PEX5L: variants seen among roughly 807,000 people sequenced by gnomAD.
PEX5L encodes PEX5-related protein.
In PEX5L, 30 loss-of-function variants were observed where a neutral mutation model predicts 84.0. The observed-to-expected ratio is 0.36, with a 90% confidence interval of 0.27 to 0.48. The LOEUF (loss-of-function observed/expected upper bound fraction) is 0.48. Among genes scored for constraint, PEX5L ranks in the 20% least tolerant of loss-of-function variants. The probability of loss-of-function intolerance (pLI) is 0.99; values close to 1 mark genes in which losing one functional copy is unlikely to be tolerated. For synonymous variants in PEX5L, 270 were observed against 283.1 expected, an observed-to-expected ratio of 0.95 and a Z score of 0.46; for missense variants, 533 against 754.6, an observed-to-expected ratio of 0.71 and a Z score of 3.44.
chr3:179,796,355 C>CTT lies in PEX5L; in HGVS notation c.*5471_*5472dup, dbSNP rs1226583396. On this transcript the variant is annotated 3_prime_UTR_variant, in exon 15 of 15. Coordinates refer to ENST00000467460, the MANE Select transcript of PEX5L (RefSeq NM_016559.3). ...CTGCAGCATTGCAAGTTAGTTTTCT[C>CTT]TTATAGAGAAGGTCCTGAGAAAACA... 3 of 152,166 alleles carry CTT rather than the reference C, an allele frequency of 2.0e-5. No individual in the cohort carries two copies. The highest frequency in any genetic ancestry group is 7.2e-5 in the African/African-American group (3 of 41,442). The allele number at this position is 152,166 out of a possible 1,614,324, so 9.4% of individuals were successfully genotyped here.
intron 10 of PEX5L, among the ~76,000 whole-genome samples, chr3:179,813,585 G>T (rs1464247799): frequency 6.6e-6 from 1 of 151,820 alleles, no homozygotes; most frequent in Non-Finnish European, 1.5e-5. Flanking sequence ...TGCAACCTCC[G>T]CCTCCTGGTT....
At chr3:179,960,133 T>A (rs1055326056) in intron 2 of PEX5L, among the ~76,000 whole-genome samples, 1 of 152,216 alleles carries the variant, frequency 6.6e-6, no homozygotes, top group South Asian at 2.1e-4. Context: ...CTTTCCCTCT[T>A]TGTTCTCTTA....
chr3:179,993,095 A>G (rs1398366291), intron 1 of PEX5L, among the ~76,000 whole-genome samples: 2 of 152,174 alleles, frequency 1.3e-5, no homozygotes, highest in East Asian at 3.9e-4. Context: ...AAGAAAAAGA[A>G]GGAAAGAAAG....
chr3:179,969,383 G>C (rs1048532883), intron 2 of PEX5L, among the ~76,000 whole-genome samples: 2 of 151,848 alleles, frequency 1.3e-5, no homozygotes, highest in Non-Finnish European at 2.9e-5. Flanking sequence ...ACATATATAT[G>C]TATAATGTCA....
chr3:180,014,818 A>T (rs1356393147), intron 1 of PEX5L, among the ~76,000 whole-genome samples: 2 of 110,090 alleles, frequency 1.8e-5, no homozygotes, highest in Admixed American at 7.7e-5. Flanking sequence ...CGAACCCCGA[A>T]ATCTGAATTG....
intron 8 of PEX5L, among the ~76,000 whole-genome samples, chr3:179,845,238 T>G (rs775719061): frequency 9.8e-5 from 15 of 152,334 alleles, no homozygotes; most frequent in Admixed American, 1.3e-4. Flanking sequence ...ATTTATTCAT[T>G]TTTTACTCTT....
intron 6 of PEX5L, among the ~76,000 whole-genome samples, chr3:179,874,726 GTTTTTTTTTTTGTTTTT>G (rs1240242459): frequency 4.4e-4 from 20 of 45,202 alleles, no homozygotes; most frequent in East Asian, 4.4e-3. Context: ...AAAAATTATG[GTTTTTTTTTTTGTTTTT>G]TTTTTTTTTT....
chr3:179,872,565 G>T (rs1371126464), intron 7 of PEX5L, among the ~76,000 whole-genome samples: 1 of 152,120 alleles, frequency 6.6e-6, no homozygotes, highest in Non-Finnish European at 1.5e-5. Flanking sequence ...TGTACTGATG[G>T]GTAAGAGGAA....
chr3:179,955,716 G>C (rs866547464), intron 2 of PEX5L, among the ~76,000 whole-genome samples: 2 of 151,752 alleles, frequency 1.3e-5, no homozygotes, highest in Non-Finnish European at 2.9e-5. Context: ...TTAGAACTAC[G>C]TATTATAATA....
intron 2 of PEX5L, among the ~76,000 whole-genome samples, chr3:179,938,903 C>T (rs1328809940): frequency 6.6e-6 from 1 of 152,152 alleles, no homozygotes; most frequent in Non-Finnish European, 1.5e-5. Context: ...TTCTGGAGTT[C>T]AGTGCACCGT....
chr3:180,011,324 G>T (rs553296083), intron 1 of PEX5L, among the ~76,000 whole-genome samples: 1 of 152,124 alleles, frequency 6.6e-6, no homozygotes, highest in East Asian at 1.9e-4. Flanking sequence ...AGTAAACGAC[G>T]ATTTAGCTAT....
intron 4 of PEX5L, among the ~76,000 whole-genome samples, chr3:179,887,433 A>G (rs1367180260): frequency 1.3e-5 from 2 of 152,248 alleles, no homozygotes; most frequent in African/African-American, 4.8e-5. Context: ...AAATATGAAA[A>G]TATACATGAA....
At chr3:179,906,770 A>G (rs1763365057) in intron 2 of PEX5L, among the ~76,000 whole-genome samples, 1 of 152,232 alleles carries the variant, frequency 6.6e-6, no homozygotes, top group Admixed American at 6.5e-5. Context: ...AGATATAAAA[A>G]TTACTTTTTC....
At chr3:179,867,145 T>A (rs1289336070) in intron 7 of PEX5L, among the ~76,000 whole-genome samples, 1 of 151,714 alleles carries the variant, frequency 6.6e-6, no homozygotes, top group African/African-American at 2.4e-5. Flanking sequence ...ATAGTCCCCA[T>A]CTCCCTTCAA....
At chr3:179,947,699 C>T (rs2109905266) in intron 2 of PEX5L, among the ~76,000 whole-genome samples, 1 of 138,938 alleles carries the variant, frequency 7.2e-6, no homozygotes, top group Non-Finnish European at 1.5e-5. Flanking sequence ...ATGTAATAAT[C>T]AAAAAAGTTA....
intron 7 of PEX5L, among the ~76,000 whole-genome samples, chr3:179,870,827 GGAAA>G (rs1210096526): frequency 1.3e-5 from 2 of 152,090 alleles, no homozygotes; most frequent in Non-Finnish European, 1.5e-5. Context: ...TTCCAGAGGT[GGAAA>G]GAAAGTTCCT....
chr3:179,829,636 C>T (rs28498062), intron 8 of PEX5L, among the ~76,000 whole-genome samples: 2,525 of 152,208 alleles, frequency 0.017, 73 homozygotes, highest in African/African-American at 0.058. Flanking sequence ...AACTAAGCAA[C>T]CTTATGTCTA....
intron 8 of PEX5L, among the ~76,000 whole-genome samples, chr3:179,838,643 A>G (rs1256850990): frequency 6.6e-6 from 1 of 152,192 alleles, no homozygotes; most frequent in Non-Finnish European, 1.5e-5. Flanking sequence ...TGTCTAACTA[A>G]TAACTGTTAG....
At chr3:179,868,273 G>A (rs1005860031) in intron 7 of PEX5L, among the ~76,000 whole-genome samples, 7 of 151,672 alleles carry the variant, frequency 4.6e-5, no homozygotes, top group African/African-American at 1.7e-4. Context: ...TGCTCTCTAA[G>A]ATGTATTTTT....
Sources: gnomAD v4.1 joint callset for allele counts (sites outside exome capture counted in the v4.1 genomes callset) on GRCh38, gnomAD v4.1.1 for gene constraint, MANE v1.5 for transcripts, NCBI Gene and HGNC (gene_info 2026-07-23, HGNC 2026-07-21) for gene names.